ERN1: variants seen among roughly 807,000 people sequenced by gnomAD.
The protein encoded by ERN1 is endoplasmic reticulum to nucleus signaling 1.
In ERN1, 39 loss-of-function variants were observed where a neutral mutation model predicts 113.1. That is an observed-to-expected ratio of 0.34 (90% CI 0.27 to 0.45). The LOEUF is 0.45. Among genes scored for constraint, ERN1 ranks in the 20% least tolerant of loss-of-function variants. The pLI is 1.00. For missense variants in ERN1, 976 were observed against 1,274.8 expected, an observed-to-expected ratio of 0.77 and a Z score of 3.57; for synonymous variants, 507 against 515.9, an observed-to-expected ratio of 0.98 and a Z score of 0.23.
chr17:64,111,876 A>C (rs1446645965), intron 1 of ERN1, among the ~76,000 whole-genome samples: 1 of 152,228 alleles, frequency 6.6e-6, no homozygotes, highest in Non-Finnish European at 1.5e-5. Flanking sequence ...TTAAAAAAAA[A>C]TTGGTGGCAG....
At chr17:64,104,967 T>C (rs1914485261) in intron 1 of ERN1, among the ~76,000 whole-genome samples, 7 of 152,080 alleles carry the variant, frequency 4.6e-5, no homozygotes, top group Admixed American at 3.9e-4. Flanking sequence ...CTCTGCTCCA[T>C]TTACAAAACT....
Position 64,064,109 on chromosome 17 carries a change from C to T in ERN1, c.964G>A (p.Asp322Asn). ...TLPLLEGPQTDGVTIGDKGEC... is the reference protein window; with the variant it reads ...TLPLLEGPQTNGVTIGDKGEC... Reference sequence around the variant, plus strand: ...CCCTTGTCCCCAATGGTGACGCCATCAGTCTGGGGCCCTTCCAGCAAAGGA... The same window carrying T: ...CCCTTGTCCCCAATGGTGACGCCATTAGTCTGGGGCCCTTCCAGCAAAGGA... The change falls in exon 10 of 22, where the codon GAT (aspartate) becomes AAT (asparagine). Residue 322 changes from aspartate (D) to asparagine (N), a missense_variant. Transcript: ENST00000433197. 6.2e-7 allele frequency: 1 copy of T among 1,609,788 alleles called. No individual in the cohort carries two copies. Among genetic ancestry groups the T allele is most frequent in the East Asian group, 2.2e-5 (1 of 44,794 alleles).
At chr17:64,128,237 C>T (rs1915134794) in intron 1 of ERN1, among the ~76,000 whole-genome samples, 1 of 150,592 alleles carries the variant, frequency 6.6e-6, no homozygotes, top group Admixed American at 6.6e-5. Context: ...TCTCAAACTC[C>T]TGACCTCAAG....
Position 64,044,291 on chromosome 17 carries a change from G to T in ERN1, c.2722-91C>A. Reference sequence around the variant, plus strand: ...ACACCCTTTCATCATGCAAGGAAGAGACAGAATGTGAGTGTTGGTTTTTGG... The same window carrying T: ...ACACCCTTTCATCATGCAAGGAAGATACAGAATGTGAGTGTTGGTTTTTGG... On this transcript the variant is annotated intron_variant, in intron 21 of 21. Coordinates refer to ENST00000433197, the MANE Select transcript of ERN1 (RefSeq NM_001433.5). This position sits in a 1 kb window ranked among gnomAD's most constrained non-coding sequence, Gnocchi z 4.1. 1 of 888,710 alleles carries T rather than the reference G, an allele frequency of 1.1e-6. No homozygotes were observed. The highest frequency in any genetic ancestry group is 1.6e-6 in the Non-Finnish European group (1 of 606,342). 55.1% of individuals were successfully genotyped at this position (888,710 alleles called of 1,614,324 possible).
At chr17:64,118,669 T>C (rs189614703) in intron 1 of ERN1, among the ~76,000 whole-genome samples, 4 of 152,320 alleles carry the variant, frequency 2.6e-5, no homozygotes, top group Non-Finnish European at 2.9e-5. Context: ...CTCCTGTTTC[T>C]AAACCAGCTA....
At chr17:64,105,625 G>A (rs1041594406) in intron 1 of ERN1, among the ~76,000 whole-genome samples, 1 of 151,988 alleles carries the variant, frequency 6.6e-6, no homozygotes, top group South Asian at 2.1e-4. Context: ...GTGTTCATTG[G>A]ATTACTGTTA....
At chr17:64,066,128 G>A (rs965486047) in intron 8 of ERN1, among the ~76,000 whole-genome samples, 21 of 152,048 alleles carry the variant, frequency 1.4e-4, no homozygotes, top group Non-Finnish European at 2.9e-4. Context: ...GAGAACAGAA[G>A]CCTGCTGAGT....
rs541205481 is a variant in ERN1 at position 64,120,668 on chromosome 17, G to A, written c.54+9308C>T. On this transcript the variant is annotated intron_variant, in intron 1 of 21. Coordinates refer to ENST00000433197, the MANE Select transcript of ERN1 (RefSeq NM_001433.5). ...ATAATCACAAACTGTTTACCTCATG[G>A]AGTTTGGCAATGGAAAAATTAATCT... 2.6e-5 allele frequency among the ~76,000 whole-genome samples: 4 copies of A among 152,178 alleles called. No individual in the cohort carries two copies. The South Asian group carries it at 8.3e-4, about 32-fold the overall frequency.
intron 4 of ERN1, among the ~76,000 whole-genome samples, chr17:64,078,180 T>G (rs1191648431): frequency 6.6e-6 from 1 of 152,246 alleles, no homozygotes; most frequent in Non-Finnish European, 1.5e-5. Context: ...TTGCTCCACA[T>G]CACCAACATG....
Position 64,044,033 on chromosome 17 carries a change from G to T in ERN1, c.2889C>A (p.His963Gln), listed in dbSNP as rs200667393. ...HERLFQPYYF[H>Q]EPPEPQPPVT... ...CTGGGGGCTGGGGCTCTGGGGGCTC[G>T]TGGAAGTAGTAGGGCTGGAAGAGTC... Residue 963 changes from histidine to glutamine, a missense_variant, in exon 22 of 22, where the codon CAC becomes CAA. Physicochemically the swap from His to Gln is conservative, Grantham distance 24. This residue lies in a region of ERN1 where 92 missense variants were observed against 87.3 expected (regional missense o/e 1.05). Coordinates refer to ENST00000433197, the MANE Select transcript of ERN1 (RefSeq NM_001433.5). The surrounding 1 kb of genome is among the most constrained non-coding windows in gnomAD (Gnocchi z 4.1). The T allele has an allele frequency of 1.9e-6, 3 of 1,613,426 alleles. No individual in the cohort carries two copies. The South Asian group carries it at 3.3e-5, about 18-fold the overall frequency.
At position 64,075,257 on chromosome 17, in the gene ERN1, A is replaced by AAG; in HGVS notation, c.283-11_283-10insCT. On this transcript the variant is annotated splice_polypyrimidine_tract_variant and intron_variant, in intron 4 of 21. Transcript: ENST00000433197. ...TGGTAAAAGGAAGTTTCTTTAAAAAAAAAAAAAAAGAAAAAAAAAAGTTAA... is the reference window on the plus strand; with the variant it reads ...TGGTAAAAGGAAGTTTCTTTAAAAAAAGAAAAAAAAAGAAAAAAAAAAGTTAA... 2.0e-6 allele frequency: 3 copies of AAG among 1,494,024 alleles called. No individual in the cohort carries two copies. The highest frequency in any genetic ancestry group is 2.7e-5 in the South Asian group (2 of 74,794). The allele number at this position is 1,494,024 out of a possible 1,614,324, so 92.5% of individuals were successfully genotyped here. A position where few individuals can be genotyped will look rare whatever the true frequency, so the allele number is the denominator to read the frequency against.
chr17:64,121,266 C>T (rs1336846658), intron 1 of ERN1, among the ~76,000 whole-genome samples: 1 of 152,202 alleles, frequency 6.6e-6, no homozygotes, highest in Non-Finnish European at 1.5e-5. Context: ...CACCCAGAAC[C>T]AGCACGGTAA....
At position 64,084,694 on chromosome 17, in the gene ERN1, ATC is replaced by A. The variant is rs1913871619; in HGVS notation, c.176-3888_176-3887del. ...ACTCAAAATCCTTTGGTGGTTCCCC[ATC>A]TCACTCAGTGAAGGCCAGTGTTTAC... On this transcript the variant is annotated intron_variant, in intron 2 of 21. Coordinates refer to ENST00000433197, the MANE Select transcript of ERN1 (RefSeq NM_001433.5). Among the ~76,000 whole-genome samples the A allele has an allele frequency of 2.0e-5, 3 of 152,328 alleles. No individual in the cohort carries two copies. In the South Asian group the frequency reaches 6.2e-4, roughly 32 times the overall value.
chr17:64,084,130 C>A (rs781256965), intron 2 of ERN1, among the ~76,000 whole-genome samples: 4 of 152,100 alleles, frequency 2.6e-5, no homozygotes, highest in Non-Finnish European at 4.4e-5. Flanking sequence ...CTACTTCCCA[C>A]CAACGCCTCA....
chr17:64,096,448 A>C (rs568979271), intron 2 of ERN1, among the ~76,000 whole-genome samples: 1 of 152,336 alleles, frequency 6.6e-6, no homozygotes, highest in Non-Finnish European at 1.5e-5. Context: ...CTGATTCTAC[A>C]TTATGGTGAG....
chr17:64,070,279 G>A (rs796702724), intron 6 of ERN1, among the ~76,000 whole-genome samples: 4 of 152,282 alleles, frequency 2.6e-5, no homozygotes, highest in African/African-American at 9.6e-5. Flanking sequence ...AGTCCTTCCT[G>A]AATTCCCTAC....
At chr17:64,125,189 G>C (rs1409895801) in intron 1 of ERN1, among the ~76,000 whole-genome samples, 4 of 152,100 alleles carry the variant, frequency 2.6e-5, no homozygotes, top group African/African-American at 9.7e-5. Flanking sequence ...TGGAAAATAA[G>C]ATAATAGAAG....
At chr17:64,080,235 C>T (rs1014927414) in intron 3 of ERN1, among the ~76,000 whole-genome samples, 10 of 152,176 alleles carry the variant, frequency 6.6e-5, no homozygotes, top group African/African-American at 2.2e-4. Context: ...AGAGAGAACC[C>T]GCCAAGGGGA....
At chr17:64,065,167 A>C in intron 9 of ERN1, 42 bp downstream of exon 9, 1 of 1,390,306 alleles carries the variant, frequency 7.2e-7, no homozygotes, top group Non-Finnish European at 1.0e-6. Flanking sequence ...AAAATGGAAC[A>C]GAAGTGGTTA....
Sources: allele counts gnomAD v4.1 joint callset (sites outside exome capture counted in the v4.1 genomes callset), GRCh38; gene constraint gnomAD v4.1.1; regional missense constraint gnomAD v4.1.1; non-coding constraint Gnocchi (gnomAD v3.1); transcripts MANE v1.5; gene names NCBI Gene and HGNC (gene_info 2026-07-23, HGNC 2026-07-21).